The following NCF2 variants were observed in gnomAD, a reference collection of about 807,000 sequenced individuals.
NCF2 encodes neutrophil cytosol factor 2.
In NCF2, 45 loss-of-function variants were observed where a neutral mutation model predicts 70.9. That is an observed-to-expected ratio of 0.63 (90% CI 0.50 to 0.81). The LOEUF (loss-of-function observed/expected upper bound fraction) is 0.81. Among genes scored for constraint, NCF2 ranks in the 40% least tolerant of loss-of-function variants. The pLI is 0.00. For missense variants in NCF2, 522 were observed against 631.6 expected (o/e 0.83, Z 1.86); for synonymous variants, 203 against 233.6 (o/e 0.87, Z 1.19).
chr1:183,564,988 G>C (rs1190934763), intron 10 of NCF2, among the ~76,000 whole-genome samples: 1 of 152,110 alleles, frequency 6.6e-6, no homozygotes, highest in East Asian at 1.9e-4. Context: ...GTTAACAATT[G>C]GTGAGTTTAA....
chr1:183,574,254 A>G (rs111891866), intron 4 of NCF2, among the ~76,000 whole-genome samples: 3 of 152,300 alleles, frequency 2.0e-5, no homozygotes, highest in African/African-American at 7.2e-5. Context: ...TGCATTGCCA[A>G]GGAGCCCCAC....
chr1:183,580,106 A>G (rs1440296179), intron 2 of NCF2, among the ~76,000 whole-genome samples: 1 of 152,218 alleles, frequency 6.6e-6, no homozygotes, highest in Non-Finnish European at 1.5e-5. Context: ...CTGGGGGAGA[A>G]GCCATCACCA....
chr1:183,582,614 C>A (rs1363021967), intron 2 of NCF2, among the ~76,000 whole-genome samples: 1 of 152,230 alleles, frequency 6.6e-6, no homozygotes, highest in African/African-American at 2.4e-5. Flanking sequence ...TGAAAGAAGT[C>A]AAAACTTCAG....
At chr1:183,560,725 C>T (rs1333186258) in intron 13 of NCF2, among the ~76,000 whole-genome samples, 1 of 152,242 alleles carries the variant, frequency 6.6e-6, no homozygotes, top group Non-Finnish European at 1.5e-5. Context: ...TGCTGTGCAG[C>T]CCTGTGCTGG....
At chr1:183,576,877 G>A (rs1672822208) in intron 3 of NCF2, among the ~76,000 whole-genome samples, 1 of 152,156 alleles carries the variant, frequency 6.6e-6, no homozygotes, top group South Asian at 2.1e-4. Context: ...CAGGAATTTT[G>A]GTTTTCAAAA....
At chr1:183,596,741 T>TAA in the NCF2 span, among the ~76,000 whole-genome samples, 2 of 146,328 alleles carry the variant, frequency 1.4e-5, no homozygotes, top group Admixed American at 6.9e-5. Flanking sequence ...GACTCCATCT[T>TAA]AAAAAAAAAA....
Position 183,567,216 on chromosome 1 carries a change from C to T in NCF2, c.843G>A (p.Met281Ile), listed in dbSNP as rs1672343995. Residue 281 changes from methionine to isoleucine, a missense_variant, in exon 8 of 15, where the codon ATG (methionine) becomes ATA (isoleucine). Transcript: ENST00000367535. ...KKGNDNWATVMFNGQKGLVPC... is the reference protein window; with the variant it reads ...KKGNDNWATVIFNGQKGLVPC... ...ATCCTCTGCATACCTGCCCGTTGAACATGACCGTGGCCCAGTTATCATTGC... is the reference window on the plus strand; with the variant it reads ...ATCCTCTGCATACCTGCCCGTTGAATATGACCGTGGCCCAGTTATCATTGC... 2.5e-6 allele frequency: 4 copies of T among 1,614,184 alleles called. No homozygotes were observed. The highest frequency in any genetic ancestry group is 3.4e-6 in the Non-Finnish European group (4 of 1,180,036).
intron 3 of NCF2, 78 bp downstream of exon 3, chr1:183,577,521 A>G: frequency 8.5e-7 from 1 of 1,175,110 alleles, no homozygotes; most frequent in Non-Finnish European, 1.3e-6. Flanking sequence ...GTGTCAACAG[A>G]TCACTGTGCA....
intron 13 of NCF2, among the ~76,000 whole-genome samples, chr1:183,562,230 A>C (rs1344235808): frequency 1.3e-5 from 2 of 152,132 alleles, no homozygotes; most frequent in Non-Finnish European, 2.9e-5. Flanking sequence ...CAAAGGAAAA[A>C]ATTTTAATTA....
chr1:183,576,966 A>G (rs977920851), intron 3 of NCF2, among the ~76,000 whole-genome samples: 13 of 152,372 alleles, frequency 8.5e-5, no homozygotes, highest in African/African-American at 3.1e-4. Context: ...AGTCAAAGCC[A>G]GTCATGTCTC....
intron 3 of NCF2, among the ~76,000 whole-genome samples, chr1:183,575,340 G>T (rs763794252): frequency 1.3e-5 from 2 of 152,264 alleles, no homozygotes; most frequent in East Asian, 1.9e-4. Context: ...CATGGTGGCA[G>T]GCACCTGTAA....
chr1:183,593,336 A>T (rs1673720613), upstream of NCF2, among the ~76,000 whole-genome samples: 1 of 152,056 alleles, frequency 6.6e-6, no homozygotes, highest in Non-Finnish European at 1.5e-5. Flanking sequence ...ATCCAGATTG[A>T]GCTTTTAAAA....
At chr1:183,567,073 G>A in intron 8 of NCF2, 85 bp from the exon 9 acceptor site, 1 of 1,606,694 alleles carries the variant, frequency 6.2e-7, no homozygotes, top group Non-Finnish European at 8.5e-7. Flanking sequence ...CCAGAGTCCT[G>A]GGGAAGGGAT....
In NCF2 at chr1:183,583,517, C is replaced by T. The variant is rs139911935; in HGVS notation, c.257+3378G>A. Among the ~76,000 whole-genome samples, 320 of 152,310 alleles carry T rather than the reference C, an allele frequency of 2.1e-3. 1 individual carries two copies. Among genetic ancestry groups the T allele is most frequent in the Middle Eastern group, 6.8e-3 (2 of 294 alleles). ...TTTTTAATTTATAAGTTCCTTGAAA[C>T]GGAGACTATATTTTGCTCACTTTTA... is the stretch of plus-strand genomic sequence containing the variant. On this transcript the variant is annotated intron_variant, in intron 2 of 14. Coordinates refer to ENST00000367535, the MANE Select transcript of NCF2 (RefSeq NM_000433.4).
intron 1 of NCF2, 85 bp from the exon 2 acceptor site, chr1:183,587,062 C>G (rs1411790456): frequency 2.4e-6 from 3 of 1,270,720 alleles, no homozygotes; most frequent in Admixed American, 1.7e-5. Context: ...AGCCCTAGCT[C>G]CCTGTGGTGC....
chr1:183,578,702 G>C (rs1246988003), intron 2 of NCF2, among the ~76,000 whole-genome samples: 1 of 152,198 alleles, frequency 6.6e-6, no homozygotes, highest in Non-Finnish European at 1.5e-5. Flanking sequence ...CCACTGCCTT[G>C]TGCTGCTGGA....
intron 2 of NCF2, among the ~76,000 whole-genome samples, chr1:183,586,655 A>G (rs945885079): frequency 6.6e-6 from 1 of 152,078 alleles, no homozygotes; most frequent in African/African-American, 2.4e-5. Flanking sequence ...CATGGTGGTT[A>G]CCTAGGCTCA....
intron 14 of NCF2, among the ~76,000 whole-genome samples, chr1:183,559,472 T>TGC (rs1671941304): frequency 6.6e-6 from 1 of 152,250 alleles, no homozygotes; most frequent in Non-Finnish European, 1.5e-5. Flanking sequence ...GTCATACAGC[T>TGC]TGATGCAAAG....
chr1:183,581,979 T>G (rs1673137098), intron 2 of NCF2, among the ~76,000 whole-genome samples: 1 of 152,128 alleles, frequency 6.6e-6, no homozygotes, highest in Non-Finnish European at 1.5e-5. Context: ...CTAAGTGTCG[T>G]TTTTAAACAT....
Sources: gnomAD v4.1 joint callset for allele counts (sites outside exome capture counted in the v4.1 genomes callset) on GRCh38, gnomAD v4.1.1 for gene constraint, MANE v1.5 for transcripts, NCBI Gene and HGNC (gene_info 2026-07-23, HGNC 2026-07-21) for gene names.